The following USP15 variants were observed in gnomAD, a reference collection of about 807,000 sequenced individuals.
USP15 encodes ubiquitin carboxyl-terminal hydrolase 15.
Under a neutral mutation model 127.1 loss-of-function variants are expected in USP15, and 18 were observed. The observed-to-expected ratio is 0.14, with a 90% CI of 0.10 to 0.21. The LOEUF is 0.21. Ranked by LOEUF, USP15 falls within the 10% of genes least tolerant of loss-of-function variation. The pLI, the probability that USP15 is intolerant of heterozygous loss-of-function variation, is 1.00. For synonymous variants in USP15, 364 were observed against 393.7 expected, an observed-to-expected ratio of 0.92 and a Z score of 0.89; for missense variants, 805 against 1,159.9, an observed-to-expected ratio of 0.69 and a Z score of 4.44.
chr12:62,310,040 AT>A (rs1463728623), intron 3 of USP15, among the ~76,000 whole-genome samples: 1 of 152,004 alleles, frequency 6.6e-6, no homozygotes, highest in African/African-American at 2.4e-5. Context: ...AGAAGGCACG[AT>A]TCTACAGGTT....
intron 19 of USP15, among the ~76,000 whole-genome samples, chr12:62,396,090 T>A (rs891593193): frequency 1.3e-5 from 2 of 151,990 alleles, no homozygotes; most frequent in Admixed American, 6.6e-5. Flanking sequence ...AACATTAATA[T>A]CTCAGAGGTA....
intron 7 of USP15, among the ~76,000 whole-genome samples, 163 bp downstream of exon 7, chr12:62,349,470 G>A (rs575183365): frequency 6.9e-4 from 105 of 152,034 alleles, no homozygotes; most frequent in African/African-American, 2.4e-3. Context: ...AAAAAAGAAA[G>A]CAATTAAATT....
At chr12:62,275,303 T>A (rs1592470431) in intron 1 of USP15, among the ~76,000 whole-genome samples, 1 of 149,226 alleles carries the variant, frequency 6.7e-6, no homozygotes, top group East Asian at 2.0e-4. Context: ...TAGGAGAATA[T>A]AAACAGTGAA....
chr12:62,264,213 G>A (rs2063144058), intron 1 of USP15, among the ~76,000 whole-genome samples: 1 of 152,086 alleles, frequency 6.6e-6, no homozygotes, highest in Admixed American at 6.5e-5. Context: ...CGAACTCCTG[G>A]CCTCAAGTGA....
At chr12:62,316,850 G>A (rs951126576) in intron 4 of USP15, among the ~76,000 whole-genome samples, 5 of 151,988 alleles carry the variant, frequency 3.3e-5, no homozygotes, top group Non-Finnish European at 7.4e-5. Context: ...AATTTATAAA[G>A]GATCACTGCT....
At position 62,389,837 on chromosome 12, in the gene USP15, G is replaced by A. The variant is rs1229664119; in HGVS notation, c.1693G>A (p.Val565Met). The change falls in exon 14 of 22, where the codon GTG (valine) becomes ATG (methionine). Residue 565 changes from valine (V) to methionine (M), a missense_variant. Physicochemically the swap from Val to Met is conservative, Grantham distance 21 (BLOSUM62 1). Transcript: ENST00000280377. ...NINRTEDTEH[V>M]IIPVCLREKF... ...CAATAGGACAGAAGATACAGAGCAC[G>A]TGATTATTCCTGTTTGCCTAAGAGA... 14 of 1,613,536 alleles carry A rather than the reference G, an allele frequency of 8.7e-6. No individual in the cohort carries two copies. Among genetic ancestry groups the A allele is most frequent in the East Asian group, 2.2e-5 (1 of 44,826 alleles).
rs1399844037 is a variant in USP15, at chr12:62,315,398, C to T, written c.475+482C>T. ...CAGTTGTAAGTCAAATATAAGTGGACTTAATTCTCTCTATATATTAAAATA... is the reference window on the plus strand; with the variant it reads ...CAGTTGTAAGTCAAATATAAGTGGATTTAATTCTCTCTATATATTAAAATA... On this transcript the variant is annotated intron_variant, in intron 4 of 21. Transcript: ENST00000280377. Among the ~76,000 whole-genome samples, 4 of 151,740 alleles carry T rather than the reference C, an allele frequency of 2.6e-5. No homozygotes were observed. The East Asian group carries it at 7.7e-4, about 29-fold the overall frequency.
intron 1 of USP15, among the ~76,000 whole-genome samples, chr12:62,264,001 GT>G (rs1222738729): frequency 6.6e-6 from 1 of 152,082 alleles, no homozygotes; most frequent in East Asian, 1.9e-4. Context: ...TGGAAAAAAA[GT>G]TTTTGAAACA....
intron 20 of USP15, among the ~76,000 whole-genome samples, chr12:62,397,616 T>C (rs1039329700): frequency 6.6e-6 from 1 of 151,970 alleles, no homozygotes; most frequent in African/African-American, 2.4e-5. Context: ...CCCAACACTT[T>C]GGGAAGTGGA....
intron 19 of USP15, among the ~76,000 whole-genome samples, chr12:62,394,384 A>G (rs2067417432): frequency 6.6e-6 from 1 of 152,250 alleles, no homozygotes; most frequent in Non-Finnish European, 1.5e-5. Context: ...CTAGAAGGAA[A>G]TAGATTACAT....
chr12:62,281,260 C>T (rs1197194645), intron 1 of USP15, among the ~76,000 whole-genome samples: 7 of 152,128 alleles, frequency 4.6e-5, no homozygotes, highest in South Asian at 2.1e-4. Flanking sequence ...TTCTTGTCTA[C>T]GTCTTCTAAT....
rs942654809 is a variant in USP15 at position 62,407,294 on chromosome 12, T to C, written c.*2919T>C. On this transcript the variant is annotated 3_prime_UTR_variant, in exon 22 of 22. Transcript: ENST00000280377. ...TATTCCCAAGCTCACACAATTGCTA[T>C]GGGGTAGAGCCAATATTCTATCCTC... 4.6e-5 allele frequency: 7 copies of C among 152,204 alleles called. No individual in the cohort carries two copies. The highest frequency in any genetic ancestry group is 1.4e-4 in the African/African-American group (6 of 41,452). The allele number at this position is 152,204 out of a possible 1,614,324, so 9.4% of individuals were successfully genotyped here.
intron 11 of USP15, among the ~76,000 whole-genome samples, chr12:62,387,239 G>A (rs1057034448): frequency 6.6e-6 from 1 of 152,168 alleles, no homozygotes; most frequent in African/African-American, 2.4e-5. Context: ...CTATGAAAAT[G>A]ATAGTGTTTT....
intron 19 of USP15, among the ~76,000 whole-genome samples, chr12:62,395,308 G>C (rs2067452180): frequency 6.6e-6 from 1 of 152,130 alleles, no homozygotes. Flanking sequence ...AGAGTTAAAT[G>C]TGTTAGCATG....
At chr12:62,298,849 AAAAAG>A (rs1308972409) in intron 2 of USP15, among the ~76,000 whole-genome samples, 3 of 151,546 alleles carry the variant, frequency 2.0e-5, no homozygotes, top group African/African-American at 7.3e-5. Flanking sequence ...AAAAAAAAAA[AAAAAG>A]AATGAGTGAA....
chr12:62,304,727 G>T (rs989411378), intron 3 of USP15: 2 of 452,722 alleles, frequency 4.4e-6, no homozygotes, highest in African/African-American at 2.0e-5. Context: ...CAGAAAATAC[G>T]ATGGAATCAA....
At position 62,401,173 on chromosome 12, in the gene USP15, AT is replaced by A. The variant is rs769020828; in HGVS notation, c.2675-7del. ...AGATCATTTTCGTCACAGTGATTATATTTTTTTCATTAGATACTGCTTTTGC... is the reference window on the plus strand; with the variant it reads ...AGATCATTTTCGTCACAGTGATTATATTTTTTCATTAGATACTGCTTTTGC... On this transcript the variant is annotated splice_polypyrimidine_tract_variant and intron_variant, in intron 20 of 21. Coordinates refer to ENST00000280377, the MANE Select transcript of USP15 (RefSeq NM_001252078.2). 8.8e-6 allele frequency: 14 copies of A among 1,595,458 alleles called. No homozygotes were observed. Among genetic ancestry groups the A allele is most frequent in the African/African-American group, 2.7e-5 (2 of 74,438 alleles).
chr12:62,389,153 C>G (rs2067247385), intron 11 of USP15, among the ~76,000 whole-genome samples: 1 of 151,946 alleles, frequency 6.6e-6, no homozygotes, highest in Non-Finnish European at 1.5e-5. Context: ...AAAAAGATAG[C>G]AAAAGTGGGA....
At chr12:62,328,300 G>T in intron 6 of USP15, 1 of 452,406 alleles carries the variant, frequency 2.2e-6, no homozygotes, top group Non-Finnish European at 4.5e-6. Context: ...CAGCTTTGTG[G>T]GCCATATGGT....
Sources: gnomAD v4.1 joint callset for allele counts (sites outside exome capture counted in the v4.1 genomes callset) on GRCh38, gnomAD v4.1.1 for gene constraint, MANE v1.5 for transcripts, NCBI Gene and HGNC (gene_info 2026-07-23, HGNC 2026-07-21) for gene names.